The following CMPK1 variants were observed in gnomAD, a reference collection of about 807,000 sequenced individuals.
CMPK1 encodes the protein cytidine/uridine monophosphate kinase 1, also known as UMP-CMP kinase.
Under a neutral mutation model 25.7 loss-of-function variants are expected in CMPK1, and 10 were observed. The ratio of observed to expected loss-of-function variants is 0.39; its 90% CI spans 0.24 to 0.66. CMPK1 has a LOEUF of 0.66. Among genes scored for constraint, CMPK1 ranks in the 30% least tolerant of loss-of-function variants. The pLI is 0.48. For synonymous variants in CMPK1, 106 were observed against 101.5 expected, an observed-to-expected ratio of 1.04 and a Z score of -0.27; for missense variants, 199 against 280.5, an observed-to-expected ratio of 0.71 and a Z score of 2.08.
At chr1:47,334,206 C>G in intron 1 of CMPK1, 90 bp downstream of exon 1, 1 of 1,157,170 alleles carries the variant, frequency 8.6e-7, no homozygotes, top group Non-Finnish European at 1.1e-6. Context: ...CCCGCGGAGT[C>G]GCCGAGCCGC....
At chr1:47,356,922 A>G (rs2149330129) in intron 1 of CMPK1, among the ~76,000 whole-genome samples, 1 of 150,910 alleles carries the variant, frequency 6.6e-6, no homozygotes, top group South Asian at 2.1e-4. Context: ...TCATCTCCCA[A>G]AGTGCTGGGA....
At chr1:47,348,997 G>A (rs1291794408) in intron 1 of CMPK1, among the ~76,000 whole-genome samples, 1 of 152,160 alleles carries the variant, frequency 6.6e-6, no homozygotes, top group Non-Finnish European at 1.5e-5. Flanking sequence ...GGCAAGGGAA[G>A]TGAAAAGTGG....
chr1:47,335,383 A>G (rs1355957494), intron 1 of CMPK1, among the ~76,000 whole-genome samples: 1 of 152,182 alleles, frequency 6.6e-6, no homozygotes, highest in South Asian at 2.1e-4. Context: ...TCACTCCTGT[A>G]ATCCCAGCAC....
In CMPK1 at chr1:47,354,373, C is replaced by T. The variant is rs191711111; in HGVS notation, c.172-14096C>T. On this transcript the variant is annotated intron_variant, in intron 1 of 5. Transcript: ENST00000371873. ...ATGGATAGTGCATACTTTTTTAAAACTAAAATTTTTAAAGTTTATATGTAT... is the reference window on the plus strand; with the variant it reads ...ATGGATAGTGCATACTTTTTTAAAATTAAAATTTTTAAAGTTTATATGTAT... 4.5e-3 allele frequency among the ~76,000 whole-genome samples: 619 copies of T among 138,960 alleles called. 8 individuals are homozygous for T. The highest frequency in any genetic ancestry group is 4.0e-3 in the Non-Finnish European group (243 of 61,088). The allele number at this position is 138,960 out of a possible 152,430, so 91.2% of individuals were successfully genotyped here.
At chr1:47,336,028 T>C (rs1389328985) in intron 1 of CMPK1, among the ~76,000 whole-genome samples, 2 of 152,148 alleles carry the variant, frequency 1.3e-5, no homozygotes, top group Admixed American at 1.3e-4. Flanking sequence ...CCCAAAGTGC[T>C]GGGATTATAG....
chr1:47,371,317 A>C (rs1056171495), intron 2 of CMPK1, among the ~76,000 whole-genome samples: 5 of 152,204 alleles, frequency 3.3e-5, no homozygotes, highest in Non-Finnish European at 7.3e-5. Flanking sequence ...TCTATAAAGC[A>C]GAGAAAGTAT....
chr1:47,337,698 C>G (rs1646409527), intron 1 of CMPK1, among the ~76,000 whole-genome samples: 1 of 151,688 alleles, frequency 6.6e-6, no homozygotes, highest in Admixed American at 6.6e-5. Flanking sequence ...GCTGCAGCCT[C>G]CATCTTCTGG....
intron 1 of CMPK1, among the ~76,000 whole-genome samples, chr1:47,348,537 GTTAC>G (rs747055527): frequency 1.3e-5 from 2 of 152,208 alleles, no homozygotes; most frequent in African/African-American, 4.8e-5. Flanking sequence ...AGCACCAGTT[GTTAC>G]TTACTAGTCT....
In CMPK1 at chr1:47,376,689, C is replaced by A; in HGVS notation, c.646-15C>A. On this transcript the variant is annotated splice_polypyrimidine_tract_variant and intron_variant, in intron 5 of 5. Coordinates refer to ENST00000371873, the MANE Select transcript of CMPK1 (RefSeq NM_016308.3). ...TACCTGCTTTTAAAATTATTATCAT[C>A]TTTTTCCTTTACAGGTTTTTGATGA... is the stretch of plus-strand genomic sequence containing the variant. 1 of 1,538,536 alleles carries A rather than the reference C, an allele frequency of 6.5e-7. No individual in the cohort carries two copies. Among genetic ancestry groups the A allele is most frequent in the Non-Finnish European group, 9.0e-7 (1 of 1,115,056 alleles).
chr1:47,360,576 A>G (rs1019402537), intron 1 of CMPK1, among the ~76,000 whole-genome samples: 5 of 152,234 alleles, frequency 3.3e-5, no homozygotes, highest in Non-Finnish European at 7.3e-5. Context: ...CATTAAAGTC[A>G]TAAAGACTTT....
chr1:47,334,410 G>A (rs1557798030), intron 1 of CMPK1, among the ~76,000 whole-genome samples: 1 of 152,192 alleles, frequency 6.6e-6, no homozygotes, highest in South Asian at 2.1e-4. Flanking sequence ...CTGGGAGAGG[G>A]ATCCCGGAGG....
At chr1:47,357,515 C>A (rs892706490) in intron 1 of CMPK1, among the ~76,000 whole-genome samples, 1 of 138,444 alleles carries the variant, frequency 7.2e-6, no homozygotes, top group African/African-American at 2.7e-5. Flanking sequence ...GACGGAGTTT[C>A]GCTCTATTGC....
chr1:47,335,584 C>G (rs1180574576), intron 1 of CMPK1, among the ~76,000 whole-genome samples: 1 of 147,138 alleles, frequency 6.8e-6, no homozygotes, highest in African/African-American at 2.5e-5. Flanking sequence ...TTGCGGTGAG[C>G]CCATATCGCG....
intron 1 of CMPK1, among the ~76,000 whole-genome samples, chr1:47,340,409 T>G (rs1163708727): frequency 1.3e-5 from 2 of 152,082 alleles, no homozygotes; most frequent in Non-Finnish European, 1.5e-5. Flanking sequence ...GTGCTGGGAT[T>G]GCATCGTAAG....
chr1:47,339,022 A>G (rs1646420134), intron 1 of CMPK1, among the ~76,000 whole-genome samples: 2 of 150,740 alleles, frequency 1.3e-5, no homozygotes, highest in African/African-American at 4.9e-5. Flanking sequence ...ACCATGCCAA[A>G]TTGCTTTCTG....
intron 1 of CMPK1, among the ~76,000 whole-genome samples, chr1:47,343,384 TG>T (rs1481583967): frequency 6.6e-6 from 1 of 151,304 alleles, no homozygotes; most frequent in African/African-American, 2.4e-5. Context: ...ATCAGGAGGC[TG>T]TAATCCCAGC....
chr1:47,368,411 T>C lies in CMPK1; in HGVS notation c.172-58T>C, dbSNP rs950361502. 4 of 1,410,468 alleles carry C rather than the reference T, an allele frequency of 2.8e-6. No homozygotes were observed. In the African/African-American group the frequency reaches 5.8e-5, roughly 21 times the overall value. The allele number at this position is 1,410,468 out of a possible 1,614,324, so 87.4% of individuals were successfully genotyped here. Reference sequence around the variant, plus strand: ...AAATTAACACAAAGGAAAAAAAGTATAGTCCTACCACTGGGTTGAATGAAT... The same window carrying C: ...AAATTAACACAAAGGAAAAAAAGTACAGTCCTACCACTGGGTTGAATGAAT... On this transcript the variant is annotated intron_variant, in intron 1 of 5. Coordinates refer to ENST00000371873, the MANE Select transcript of CMPK1 (RefSeq NM_016308.3).
In CMPK1 at chr1:47,345,197, C is replaced by T. The variant is rs532432186; in HGVS notation, c.171+11081C>T. Among the ~76,000 whole-genome samples, 11 of 152,218 alleles carry T rather than the reference C, an allele frequency of 7.2e-5. No individual in the cohort carries two copies. In the South Asian group the frequency reaches 8.3e-4, roughly 12 times the overall value. ...CCTCCCAAAGTGCTGGGATTACAGGCGTGAGCCACCACGCCTGGCCTTCAT... is the reference window on the plus strand; with the variant it reads ...CCTCCCAAAGTGCTGGGATTACAGGTGTGAGCCACCACGCCTGGCCTTCAT... On this transcript the variant is annotated intron_variant, in intron 1 of 5. Coordinates refer to ENST00000371873, the MANE Select transcript of CMPK1 (RefSeq NM_016308.3).
At chr1:47,347,164 C>CTTCCTTCCTTTCTTCT (rs1646491191) in intron 1 of CMPK1, among the ~76,000 whole-genome samples, 1 of 139,988 alleles carries the variant, frequency 7.1e-6, no homozygotes, top group Non-Finnish European at 1.6e-5. Context: ...CCCTCCCTTT[C>CTTCCTTCCTTTCTTCT]TTCCTTCCTT....
Sources: gnomAD v4.1 joint callset for allele counts (sites outside exome capture counted in the v4.1 genomes callset) on GRCh38, gnomAD v4.1.1 for gene constraint, MANE v1.5 for transcripts, NCBI Gene and HGNC (gene_info 2026-07-23, HGNC 2026-07-21) for gene names.